ITPK1: variants seen among roughly 807,000 people sequenced by gnomAD.
ITPK1 encodes inositol 1,3,4-trisphosphate 5/6-kinase.
A neutral mutation model predicts 45.3 loss-of-function variants in ITPK1; 21 were observed. That is an observed-to-expected ratio of 0.46 (90% CI 0.33 to 0.67). The LOEUF (loss-of-function observed/expected upper bound fraction) is 0.67, where lower values mean the gene tolerates loss of function less well. ITPK1 is among the 30% of genes least tolerant of loss of function. ITPK1 has a pLI of 0.02. For synonymous variants in ITPK1, 258 were observed against 253.6 expected, an observed-to-expected ratio of 1.02 and a Z score of -0.16; for missense variants, 474 against 573.5, an observed-to-expected ratio of 0.83 and a Z score of 1.77.
At chr14:92,948,942 A>G (rs1246160928) in intron 9 of ITPK1, among the ~76,000 whole-genome samples, 1 of 152,134 alleles carries the variant, frequency 6.6e-6, no homozygotes, top group Non-Finnish European at 1.5e-5. Context: ...TGAGGCCTAC[A>G]CCAGCGCATC....
intron 3 of ITPK1, among the ~76,000 whole-genome samples, chr14:93,041,302 A>G (rs940294955): frequency 5.9e-5 from 9 of 152,158 alleles, no homozygotes; most frequent in Non-Finnish European, 1.3e-4. Context: ...TCCTCCAAGA[A>G]GTCTTCTCTG....
chr14:93,084,746 C>T (rs1891581961), intron 2 of ITPK1, among the ~76,000 whole-genome samples: 1 of 152,156 alleles, frequency 6.6e-6, no homozygotes, highest in Non-Finnish European at 1.5e-5. Context: ...AGCAGCCTCT[C>T]AAACCCTCCC....
At position 93,034,094 on chromosome 14, in the gene ITPK1, C is replaced by T. The variant is rs1253372426; in HGVS notation, c.121-17293G>A. On this transcript the variant is annotated intron_variant, in intron 3 of 10. Coordinates refer to ENST00000267615, the MANE Select transcript of ITPK1 (RefSeq NM_014216.6). The surrounding 1 kb of genome is among the most constrained non-coding windows in gnomAD (Gnocchi z 4.1). ...CCCCAGCTCCCTATCCAAAGTGTAG[C>T]CCCAAAAGCCGTCTAATACTTCCCC... Among the ~76,000 whole-genome samples the T allele has an allele frequency of 2.6e-5, 4 of 152,008 alleles. No homozygotes were observed. The highest frequency in any genetic ancestry group is 4.8e-5 in the African/African-American group (2 of 41,372).
chr14:93,076,633 C>T lies in ITPK1; in HGVS notation c.96-14G>A, dbSNP rs981497247. ...ATCCCTCGCTTCCTGTGGAGAAAAACAAAGAAAACAAGCGTTACTCCAGCA... is the reference window on the plus strand; with the variant it reads ...ATCCCTCGCTTCCTGTGGAGAAAAATAAAGAAAACAAGCGTTACTCCAGCA... On this transcript the variant is annotated splice_polypyrimidine_tract_variant and intron_variant, in intron 2 of 10. Coordinates refer to ENST00000267615, the MANE Select transcript of ITPK1 (RefSeq NM_014216.6). This position sits in a 1 kb window ranked among gnomAD's most constrained non-coding sequence, Gnocchi z 4.3. 5.0e-6 allele frequency: 8 copies of T among 1,614,154 alleles called. No homozygotes were observed. Among genetic ancestry groups the T allele is most frequent in the South Asian group, 2.2e-5 (2 of 91,084 alleles).
At chr14:92,965,866 G>A (rs1313892607) in intron 5 of ITPK1, among the ~76,000 whole-genome samples, 2 of 152,204 alleles carry the variant, frequency 1.3e-5, no homozygotes, top group African/African-American at 2.4e-5. Flanking sequence ...AGCCAGGCGT[G>A]GTGGTGCACG....
intron 2 of ITPK1, among the ~76,000 whole-genome samples, chr14:93,105,554 GCT>G (rs1892486794): frequency 7.4e-6 from 1 of 134,806 alleles, no homozygotes; most frequent in African/African-American, 2.8e-5. Flanking sequence ...ACGGAGTCTT[GCT>G]CTGTCACCAG....
chr14:93,066,903 G>A (rs905189680), intron 3 of ITPK1, among the ~76,000 whole-genome samples: 1 of 152,090 alleles, frequency 6.6e-6, no homozygotes, highest in Non-Finnish European at 1.5e-5. Flanking sequence ...ACAGTCCAGG[G>A]CCCTCAGGTC....
intron 5 of ITPK1, among the ~76,000 whole-genome samples, chr14:92,983,503 C>T (rs902932737): frequency 2.0e-5 from 3 of 152,132 alleles, no homozygotes; most frequent in African/African-American, 7.2e-5. Context: ...AATCAACAAG[C>T]CCAACAACTC....
chr14:93,095,719 G>C (rs1303272362), intron 2 of ITPK1, among the ~76,000 whole-genome samples: 1 of 151,918 alleles, frequency 6.6e-6, no homozygotes, highest in Non-Finnish European at 1.5e-5. Context: ...GTACCCAATG[G>C]GTAGTTTTTC....
intron 2 of ITPK1, among the ~76,000 whole-genome samples, chr14:93,100,562 G>C (rs374047270): frequency 2.5e-4 from 37 of 145,662 alleles, no homozygotes; most frequent in African/African-American, 7.1e-4. Context: ...GAGAGACAGA[G>C]AGAGAGAGAG....
intron 10 of ITPK1, 31 bp downstream of exon 10, chr14:92,946,300 G>A (rs774990557): frequency 7.5e-6 from 12 of 1,610,546 alleles, no homozygotes; most frequent in East Asian, 2.2e-5. Flanking sequence ...TCTGGAGGCC[G>A]GTCAGTGGAG....
intron 5 of ITPK1, among the ~76,000 whole-genome samples, chr14:92,983,347 G>A (rs778656396): frequency 1.3e-5 from 2 of 152,180 alleles, no homozygotes; most frequent in Admixed American, 6.5e-5. Flanking sequence ...TTTTTAAAAT[G>A]TTTGGAGGGC....
rs531237946 is a variant in ITPK1, at chr14:92,991,497, G to A, written c.364+2383C>T. On this transcript the variant is annotated intron_variant, in intron 5 of 10. Transcript: ENST00000267615. ...GCTCTCCCTGGACCTGTTGAGGACG[G>A]GGCCCTCTCCTGGAACACCCACAGC... 3.0e-5 allele frequency among the ~76,000 whole-genome samples: 4 copies of A among 133,242 alleles called. No homozygotes were observed. The East Asian group carries it at 1.2e-3, about 39-fold the overall frequency. 87.4% of individuals were successfully genotyped at this position (133,242 alleles called of 152,430 possible). A position where few individuals can be genotyped will look rare whatever the true frequency, so the allele number is the denominator to read the frequency against.
At chr14:93,072,454 C>T (rs1369938813) in intron 3 of ITPK1, among the ~76,000 whole-genome samples, 1 of 152,006 alleles carries the variant, frequency 6.6e-6, no homozygotes, top group Non-Finnish European at 1.5e-5. Flanking sequence ...TTATCAATTT[C>T]ATCTCCATTT....
intron 2 of ITPK1, among the ~76,000 whole-genome samples, chr14:93,106,347 AC>A (rs532203563): frequency 3.9e-5 from 6 of 152,160 alleles, no homozygotes; most frequent in Admixed American, 3.9e-4. Flanking sequence ...CTAGAAGGAC[AC>A]CCCGACACCT....
chr14:93,076,678 G>A lies in ITPK1; in HGVS notation c.96-59C>T, dbSNP rs960532304. The A allele has an allele frequency of 1.2e-5, 20 of 1,609,334 alleles. No homozygotes were observed. Among genetic ancestry groups the A allele is most frequent in the South Asian group, 7.7e-5 (7 of 90,986 alleles). On this transcript the variant is annotated intron_variant, in intron 2 of 10. Transcript: ENST00000267615. This position sits in a 1 kb window ranked among gnomAD's most constrained non-coding sequence, Gnocchi z 4.3. ...CCAGCAGGCTGGACACGTCCTTTCCGAAGGTTCCCGACAGCCGGCTGAGGG... is the reference window on the plus strand; with the variant it reads ...CCAGCAGGCTGGACACGTCCTTTCCAAAGGTTCCCGACAGCCGGCTGAGGG...
intron 3 of ITPK1, among the ~76,000 whole-genome samples, chr14:93,035,156 C>G (rs1004449937): frequency 3.3e-5 from 5 of 152,226 alleles, no homozygotes; most frequent in African/African-American, 1.2e-4. Flanking sequence ...ATCTGTGGGA[C>G]CTTGGTCACA....
At chr14:93,100,381 C>T (rs969962467) in intron 2 of ITPK1, among the ~76,000 whole-genome samples, 1 of 152,088 alleles carries the variant, frequency 6.6e-6, no homozygotes. Context: ...GCTGTTAATG[C>T]GGATCAAATG....
At chr14:92,979,368 G>C (rs957448664) in intron 5 of ITPK1, among the ~76,000 whole-genome samples, 1 of 152,204 alleles carries the variant, frequency 6.6e-6, no homozygotes, top group African/African-American at 2.4e-5. Context: ...GTTAATGCTG[G>C]AATGAGTTAA....
Sources: allele counts gnomAD v4.1 joint callset (sites outside exome capture counted in the v4.1 genomes callset), GRCh38; gene constraint gnomAD v4.1.1; non-coding constraint Gnocchi (gnomAD v3.1); transcripts MANE v1.5; gene names NCBI Gene and HGNC (gene_info 2026-07-23, HGNC 2026-07-21).